THAP2: variants seen among roughly 807,000 people sequenced by gnomAD.
THAP2 encodes the protein THAP domain-containing protein 2.
THAP2 carries 16 observed loss-of-function variants against 18.8 expected under a neutral mutation model. That is an observed-to-expected ratio of 0.85 (90% confidence interval 0.58 to 1.29). THAP2 has a LOEUF of 1.29. Ranked by LOEUF, THAP2 falls within the 50% of genes most tolerant of loss-of-function variation. THAP2 has a pLI of 0.00. For synonymous variants in THAP2, 80 were observed against 89.2 expected (o/e 0.90, Z 0.58); for missense variants, 251 against 265.3 (o/e 0.95, Z 0.38).
At chr12:71,674,457 T>C in intron 2 of THAP2, 59 bp downstream of exon 2, 1 of 1,478,224 alleles carries the variant, frequency 6.8e-7, no homozygotes. Context: ...CCTTTTTGTT[T>C]ATGCAGTTAT....
In THAP2 at chr12:71,664,578, C is replaced by T; in HGVS notation, c.69C>T (p.His23=). 13 of 1,614,190 alleles carry T rather than the reference C, an allele frequency of 8.1e-6. No homozygotes were observed. The highest frequency in any genetic ancestry group is 1.1e-5 in the Non-Finnish European group (13 of 1,180,016). The change falls in exon 1 of 3, where the codon CAC becomes CAT. Residue 23 remains histidine, a splice_region_variant and synonymous_variant. Coordinates refer to ENST00000308086, the MANE Select transcript of THAP2 (RefSeq NM_031435.4). The stretch of plus-strand genomic sequence containing the variant: ...ACAAGCACATTAACATCAGCTTCCA[C>T]AGGTAACCTGGGCAGGGAGTGGGGG... ...TYNKHINISF[H]RFPLDPKRRK... is the part of the protein sequence containing the mutation.
chr12:71,670,110 CCAGA>C lies in THAP2; in HGVS notation c.72-4090_72-4087del, dbSNP rs367990421. On this transcript the variant is annotated intron_variant, in intron 1 of 2. Transcript: ENST00000308086. Reference sequence around the variant, plus strand: ...AGATGGGAGAGTGTTGACTGTAAATCCAGACATTCACTTCTTTGTGCCCCTCATT... The same window carrying C: ...AGATGGGAGAGTGTTGACTGTAAATCCATTCACTTCTTTGTGCCCCTCATT... 3.4e-4 allele frequency among the ~76,000 whole-genome samples: 52 copies of C among 152,032 alleles called. No homozygotes were observed. The East Asian group carries it at 5.2e-3, about 15-fold the overall frequency.
intron 1 of THAP2, among the ~76,000 whole-genome samples, chr12:71,670,900 T>C (rs1440559535): frequency 1.4e-5 from 2 of 148,112 alleles, no homozygotes; most frequent in Non-Finnish European, 3.0e-5. Context: ...GATGGCACCA[T>C]TCACTCCAGC....
intron 1 of THAP2, among the ~76,000 whole-genome samples, chr12:71,673,383 T>C (rs1404447884): frequency 1.3e-5 from 2 of 152,138 alleles, no homozygotes; most frequent in Admixed American, 1.3e-4. Context: ...ACACATATAA[T>C]TGGACCTGTG....
chr12:71,664,748 C>T, intron 1 of THAP2, 168 bp downstream of exon 1: 1 of 805,154 alleles, frequency 1.2e-6, no homozygotes, highest in African/African-American at 1.7e-5. Context: ...TTGTTCTCTG[C>T]TTTCGGGGAA....
chr12:71,665,000 A>G, intron 1 of THAP2: 1 of 702,244 alleles, frequency 1.4e-6, no homozygotes, highest in Non-Finnish European at 2.6e-6. Flanking sequence ...GGAGGCATTT[A>G]GATTTCTAAT....
intron 1 of THAP2, among the ~76,000 whole-genome samples, chr12:71,666,464 A>G (rs953064227): frequency 1.3e-5 from 2 of 152,000 alleles, no homozygotes; most frequent in African/African-American, 2.4e-5. Context: ...ACTGAGCCAT[A>G]ATCATGCCAC....
chr12:71,670,225 G>C (rs1881412247), intron 1 of THAP2, among the ~76,000 whole-genome samples: 1 of 152,082 alleles, frequency 6.6e-6, no homozygotes, highest in African/African-American at 2.4e-5. Flanking sequence ...TGAACCACAT[G>C]ATCTTCTAAC....
chr12:71,677,837 A>G lies in THAP2; in HGVS notation c.*729A>G, dbSNP rs1881544429. 1 of 152,182 alleles carries G rather than the reference A, an allele frequency of 6.6e-6. No individual in the cohort carries two copies. Among genetic ancestry groups the G allele is most frequent in the South Asian group, 2.1e-4 (1 of 4,836 alleles). 9.4% of individuals were successfully genotyped at this position (152,182 alleles called of 1,614,324 possible). A position where few individuals can be genotyped will look rare whatever the true frequency, so the allele number is the denominator to read the frequency against. Reference sequence around the variant, plus strand: ...TAATTCAGAGTTCAGGACCTAGCTTAGATAAATGTATACTACTCTTTTTCT... The same window carrying G: ...TAATTCAGAGTTCAGGACCTAGCTTGGATAAATGTATACTACTCTTTTTCT... On this transcript the variant is annotated 3_prime_UTR_variant, in exon 3 of 3. Transcript: ENST00000308086.
At chr12:71,673,614 G>C (rs1291579184) in intron 1 of THAP2, among the ~76,000 whole-genome samples, 2 of 152,076 alleles carry the variant, frequency 1.3e-5, no homozygotes, top group Non-Finnish European at 2.9e-5. Flanking sequence ...CCTACTGTTT[G>C]CAAAGCATTG....
At chr12:71,672,459 T>TA (rs1318183844) in intron 1 of THAP2, among the ~76,000 whole-genome samples, 2 of 152,268 alleles carry the variant, frequency 1.3e-5, no homozygotes, top group African/African-American at 4.8e-5. Context: ...ATGATTTTTC[T>TA]AAAAAATTTT....
rs772386322 is a variant in THAP2, at chr12:71,677,078, TC to T, written c.658del (p.Leu220Ter). ...AAGATAAAACACTGCTAAGTCTAAA[TC>T]TAAAACAGACCAAGAGTACCTTCAT... is the stretch of plus-strand genomic sequence containing the variant. The part of the protein sequence containing the change: ...QQDKTLLSLN[L>X]KQTKSTFI On this transcript the variant is annotated frameshift_variant, in exon 3 of 3. Transcript: ENST00000308086. LOFTEE classifies it high-confidence loss of function. 6.2e-7 allele frequency: 1 copy of T among 1,602,894 alleles called. No individual in the cohort carries two copies.
At position 71,677,354 on chromosome 12, in the gene THAP2, G is replaced by T; in HGVS notation, c.*246G>T. ...TTGCTAATAAATTGTGTGTTTGAAAGGTGTTTTTTGTTTTTGTCTTTTTAA... is the reference window on the plus strand; with the variant it reads ...TTGCTAATAAATTGTGTGTTTGAAATGTGTTTTTTGTTTTTGTCTTTTTAA... On this transcript the variant is annotated 3_prime_UTR_variant, in exon 3 of 3. Transcript: ENST00000308086. 3.5e-6 allele frequency: 1 copy of T among 283,216 alleles called. No individual in the cohort carries two copies. The highest frequency in any genetic ancestry group is 6.5e-6 in the Non-Finnish European group (1 of 153,978). The allele number at this position is 283,216 out of a possible 1,614,324, so 17.5% of individuals were successfully genotyped here.
At chr12:71,665,095 C>T in intron 1 of THAP2, 3 of 642,944 alleles carry the variant, frequency 4.7e-6, no homozygotes, top group Admixed American at 2.5e-5. Context: ...CAAAAGATAA[C>T]CTTTCTGTTC....
Position 71,677,129 on chromosome 12 carries a change from G to C in THAP2, c.*21G>C. On this transcript the variant is annotated 3_prime_UTR_variant, in exon 3 of 3. Transcript: ENST00000308086. ...TTTAAATTTAGCTTGCACAGAGCTT[G>C]ATGCCTATCCTTCATTCTTTTCAGA... is the stretch of plus-strand genomic sequence containing the variant. 6.5e-7 allele frequency: 1 copy of C among 1,530,374 alleles called. No individual in the cohort carries two copies. Among genetic ancestry groups the C allele is most frequent in the Non-Finnish European group, 8.8e-7 (1 of 1,140,070 alleles). The allele number at this position is 1,530,374 out of a possible 1,614,324, so 94.8% of individuals were successfully genotyped here.
In THAP2 at chr12:71,664,857, T is replaced by C. The variant is rs1197721813; in HGVS notation, c.71+277T>C. On this transcript the variant is annotated intron_variant, in intron 1 of 2. Coordinates refer to ENST00000308086, the MANE Select transcript of THAP2 (RefSeq NM_031435.4). ...GATATCGTAATTTTCTACTGTTTTA[T>C]TCCTCTGTTAGACCGGGCCTTGACA... 5.7e-6 allele frequency: 4 copies of C among 702,848 alleles called. No individual in the cohort carries two copies. The Admixed American group carries it at 6.0e-5, about 11-fold the overall frequency. 43.5% of individuals were successfully genotyped at this position (702,848 alleles called of 1,614,324 possible).
At chr12:71,665,745 T>C (rs1388328968) in intron 1 of THAP2, 1 of 152,192 alleles carries the variant, frequency 6.6e-6, no homozygotes, top group Non-Finnish European at 1.5e-5. Context: ...GTATTTTCTG[T>C]TTTATCCTAA....
At position 71,676,741 on chromosome 12, in the gene THAP2, G is replaced by T; in HGVS notation, c.320G>T (p.Gly107Val). Residue 107 changes from glycine (G) to valine (V), a missense_variant, in exon 3 of 3, where the codon GGA becomes GTA. Gly to Val is a moderately radical substitution (Grantham distance 109). Transcript: ENST00000308086. ...LKKNNSCSPA[G>V]PSNLKSNISS... The stretch of plus-strand genomic sequence containing the variant: ...AAAAACAACAGTTGTTCTCCAGCTG[G>T]ACCATCTAATTTAAAATCAAACATT... 6.2e-7 allele frequency: 1 copy of T among 1,605,670 alleles called. No individual in the cohort carries two copies. The highest frequency in any genetic ancestry group is 1.1e-5 in the South Asian group (1 of 88,772).
chr12:71,671,459 ATTTC>A (rs1429392403), intron 1 of THAP2, among the ~76,000 whole-genome samples: 2 of 152,144 alleles, frequency 1.3e-5, no homozygotes, highest in Non-Finnish European at 2.9e-5. Context: ...CAGCTCTTGA[ATTTC>A]TTTAAGATCC....
Sources: gnomAD v4.1 joint callset for allele counts (sites outside exome capture counted in the v4.1 genomes callset) on GRCh38, gnomAD v4.1.1 for gene constraint, MANE v1.5 for transcripts, NCBI Gene and HGNC (gene_info 2026-07-23, HGNC 2026-07-21) for gene names.